The following LPIN1 variants were observed in gnomAD, a reference collection of about 807,000 sequenced individuals.
LPIN1 encodes the protein lipin 1, also known as phosphatidate phosphatase LPIN1.
In LPIN1, 71 loss-of-function variants were observed where a neutral mutation model predicts 107.5. The observed-to-expected ratio is 0.66, with a 90% CI of 0.55 to 0.80. LPIN1 has a LOEUF of 0.80. Among genes scored for constraint, LPIN1 ranks in the 30% least tolerant of loss-of-function variants. The pLI, the probability that LPIN1 is intolerant of heterozygous loss-of-function variation, is 0.00. For synonymous variants in LPIN1, 445 were observed against 452.6 expected, an observed-to-expected ratio of 0.98 and a Z score of 0.21; for missense variants, 1,043 against 1,160.6, an observed-to-expected ratio of 0.90 and a Z score of 1.47.
chr2:11,719,204 T>C (rs977716329), intron 2 of LPIN1, among the ~76,000 whole-genome samples: 1 of 152,254 alleles, frequency 6.6e-6, no homozygotes, highest in African/African-American at 2.4e-5. Flanking sequence ...TTTTATTTAT[T>C]CTGGAATTGT....
chr2:11,810,674 A>G (rs970737136), intron 17 of LPIN1, among the ~76,000 whole-genome samples: 1 of 152,080 alleles, frequency 6.6e-6, no homozygotes, highest in Non-Finnish European at 1.5e-5. Context: ...GATGCTTTTG[A>G]TGGACATAAA....
Position 11,718,135 on chromosome 2 carries a change from C to T in LPIN1, c.138+4323C>T, listed in dbSNP as rs150824585. Among the ~76,000 whole-genome samples, 1,047 of 152,182 alleles carry T rather than the reference C, an allele frequency of 6.9e-3. 10 individuals are homozygous for T. The highest frequency in any genetic ancestry group is 0.01 in the Middle Eastern group (3 of 294). On this transcript the variant is annotated intron_variant, in intron 2 of 21. Transcript: ENST00000449576. ...AGGTCCTCACTGGAGCCACTGTGAC[C>T]GGATTGCTATTTTCTTCTTTCTTAG...
Position 11,771,392 on chromosome 2 carries a change from G to T in LPIN1, c.309G>T (p.Leu103=), listed in dbSNP as rs140846512. Residue 103 remains leucine (L), a synonymous_variant, in exon 4 of 21, where the codon CTG becomes CTT. Transcript: ENST00000674199. The surrounding 1 kb of genome is among the most constrained non-coding windows in gnomAD (Gnocchi z 4.8). The part of the protein sequence containing the change: ...DNDQEVIPMH[L]ATSPILSEGA... Reference sequence around the variant, plus strand: ...CTTAGGAAGTTATCCCTATGCACCTGGCCACCTCCCCCATCCTGTCAGAAG... The same window carrying T: ...CTTAGGAAGTTATCCCTATGCACCTTGCCACCTCCCCCATCCTGTCAGAAG... 200 of 1,614,186 alleles carry T rather than the reference G, an allele frequency of 1.2e-4. 5 individuals are homozygous for T. The South Asian group carries it at 1.6e-3, about 13-fold the overall frequency.
At chr2:11,686,518 G>A (rs949744622) in intron 1 of LPIN1, among the ~76,000 whole-genome samples, 4 of 152,218 alleles carry the variant, frequency 2.6e-5, no homozygotes, top group African/African-American at 9.6e-5. Context: ...CCTGAGGCCT[G>A]TGTGTATTGG....
intron 10 of LPIN1, among the ~76,000 whole-genome samples, chr2:11,785,746 G>A (rs1407506731): frequency 6.6e-6 from 1 of 152,100 alleles, no homozygotes; most frequent in Non-Finnish European, 1.5e-5. Flanking sequence ...TACCTCTCAG[G>A]AGCCACCCCC....
intron 1 of LPIN1, among the ~76,000 whole-genome samples, chr2:11,685,392 C>T (rs942533545): frequency 2.0e-5 from 3 of 152,090 alleles, no homozygotes; most frequent in Middle Eastern, 3.2e-3. Flanking sequence ...CCTGGGCTTT[C>T]GGGGCAGGGC....
At chr2:11,776,964 G>A (rs541115588) in intron 6 of LPIN1, among the ~76,000 whole-genome samples, 6 of 152,202 alleles carry the variant, frequency 3.9e-5, no homozygotes, top group Non-Finnish European at 7.3e-5. Context: ...AGAAAAGTCC[G>A]TTTAAAATGA....
Position 11,765,282 on chromosome 2 carries a change from C to T in LPIN1, c.-9-251C>T, listed in dbSNP as rs754494016. ...GGACCCTGATGGGCCGTGATGGACC[C>T]TGATGGGCTGTGATGGGCCGTGATG... On this transcript the variant is annotated intron_variant, in intron 1 of 20. Coordinates refer to ENST00000674199, the MANE Select transcript of LPIN1 (RefSeq NM_001349206.2). The surrounding 1 kb of genome is among the most constrained non-coding windows in gnomAD (Gnocchi z 4.4). Among the ~76,000 whole-genome samples, 4 of 143,032 alleles carry T rather than the reference C, an allele frequency of 2.8e-5. No individual in the cohort carries two copies. The highest frequency in any genetic ancestry group is 6.1e-5 in the Non-Finnish European group (4 of 65,508). The allele number at this position is 143,032 out of a possible 152,430, so 93.8% of individuals were successfully genotyped here. A position where few individuals can be genotyped will look rare whatever the true frequency, so the allele number is the denominator to read the frequency against.
chr2:11,791,697 ATCT>A (rs1232459314), intron 12 of LPIN1: 1 of 1,392,354 alleles, frequency 7.2e-7, no homozygotes, highest in Non-Finnish European at 9.5e-7. Flanking sequence ...TTCCTTTAAC[ATCT>A]TCTTAAGTCT....
At chr2:11,717,437 G>T (rs1308377498) in intron 2 of LPIN1, among the ~76,000 whole-genome samples, 1 of 152,004 alleles carries the variant, frequency 6.6e-6, no homozygotes, top group Non-Finnish European at 1.5e-5. Context: ...TTTCCTGGAG[G>T]TTATATTTGC....
intron 5 of LPIN1, 25 bp downstream of exon 5, chr2:11,773,770 C>G: frequency 6.2e-7 from 1 of 1,613,016 alleles, no homozygotes; most frequent in Non-Finnish European, 8.5e-7. Flanking sequence ...GTTCCCCTGG[C>G]CCAGTGCAGA....
Position 11,824,900 on chromosome 2 carries a change from T to A in LPIN1, c.*109T>A. The A allele has an allele frequency of 8.0e-7, 1 of 1,256,952 alleles. No homozygotes were observed. The allele number at this position is 1,256,952 out of a possible 1,614,324, so 77.9% of individuals were successfully genotyped here. A position where few individuals can be genotyped will look rare whatever the true frequency, so the allele number is the denominator to read the frequency against. ...CACCTGGGAGCCTGGCGCGTCATCA[T>A]TGGCCTGACAGCAGAGAGAATTGAG... On this transcript the variant is annotated 3_prime_UTR_variant, in exon 21 of 21. Transcript: ENST00000674199.
intron 17 of LPIN1, among the ~76,000 whole-genome samples, chr2:11,805,970 T>G (rs1295300897): frequency 6.6e-6 from 1 of 152,190 alleles, no homozygotes; most frequent in African/African-American, 2.4e-5. Flanking sequence ...CAGCCTTTTG[T>G]GGCCTAGAGT....
At chr2:11,709,268 C>T (rs528995021) in intron 1 of LPIN1, among the ~76,000 whole-genome samples, 1 of 152,296 alleles carries the variant, frequency 6.6e-6, no homozygotes, top group South Asian at 2.1e-4. Flanking sequence ...TTGTTGGAAT[C>T]ATGGTGTAGG....
intron 1 of LPIN1, among the ~76,000 whole-genome samples, chr2:11,731,194 G>C (rs78339733): frequency 6.6e-6 from 1 of 151,956 alleles, no homozygotes; most frequent in Non-Finnish European, 1.5e-5. Flanking sequence ...CCCTGCATGC[G>C]TTAAGTATTT....
In LPIN1 at chr2:11,755,115, G is replaced by A. The variant is rs185827822; in HGVS notation, c.-10+8444G>A. ...CAAGTAGCTGGGACTACAGGCGCCC[G>A]CCACCATGCCCGGCTAATCTTTTTT... On this transcript the variant is annotated intron_variant, in intron 1 of 20. Coordinates refer to ENST00000674199, the MANE Select transcript of LPIN1 (RefSeq NM_001349206.2). Among the ~76,000 whole-genome samples the A allele has an allele frequency of 6.4e-3, 978 of 151,806 alleles. 8 individuals carry two copies. Among genetic ancestry groups the A allele is most frequent in the African/African-American group, 0.021 (850 of 41,338 alleles).
chr2:11,745,291 T>A (rs566242517), upstream of LPIN1: 5 of 152,468 alleles, frequency 3.3e-5, no homozygotes, highest in East Asian at 9.6e-4. Context: ...TGAGCCACCA[T>A]CATGTCCCCC....
At chr2:11,758,544 G>A (rs1669029074) in intron 1 of LPIN1, among the ~76,000 whole-genome samples, 1 of 151,122 alleles carries the variant, frequency 6.6e-6, no homozygotes, top group African/African-American at 2.4e-5. Context: ...GGGTGTAGAT[G>A]TTGAGTTCCT....
intron 2 of LPIN1, chr2:11,741,534 C>G (rs764113049): frequency 5.8e-6 from 5 of 855,442 alleles, no homozygotes; most frequent in Non-Finnish European, 5.5e-6. Context: ...AAATTGGTTC[C>G]AAACATTGCC....
Sources: allele counts gnomAD v4.1 joint callset (sites outside exome capture counted in the v4.1 genomes callset), GRCh38; gene constraint gnomAD v4.1.1; non-coding constraint Gnocchi (gnomAD v3.1); transcripts MANE v1.5; gene names NCBI Gene and HGNC (gene_info 2026-07-23, HGNC 2026-07-21).